Variants in VAV2 observed in about 807,000 individuals in gnomAD.
VAV2 encodes the protein vav guanine nucleotide exchange factor 2.
Under a neutral mutation model 132.5 loss-of-function variants are expected in VAV2, and 67 were observed. That is an observed-to-expected ratio of 0.51 (90% confidence interval 0.42 to 0.62). The LOEUF (loss-of-function observed/expected upper bound fraction) is 0.62. Ranked by LOEUF, VAV2 falls within the 20% of genes least tolerant of loss-of-function variation. VAV2 has a pLI of 0.00. For missense variants in VAV2, 938 were observed against 1,153.6 expected (o/e 0.81, Z 2.71); for synonymous variants, 492 against 443.5 (o/e 1.11, Z -1.37).
chr9:133,833,718 G>A lies in VAV2; in HGVS notation c.449+554C>T, dbSNP rs540221898. On this transcript the variant is annotated intron_variant, in intron 4 of 29. Transcript: ENST00000371850. This position sits in a 1 kb window ranked among gnomAD's most constrained non-coding sequence, Gnocchi z 5.6. Reference sequence around the variant, plus strand: ...GGTGCTGTGGCCAGGCTTGGGCAGCGCCTGGGTGGAGCAGAGGCCTCTCAG... The same window carrying A: ...GGTGCTGTGGCCAGGCTTGGGCAGCACCTGGGTGGAGCAGAGGCCTCTCAG... 6.6e-5 allele frequency among the ~76,000 whole-genome samples: 10 copies of A among 152,260 alleles called. No individual in the cohort carries two copies. The South Asian group carries it at 8.3e-4, about 13-fold the overall frequency.
In VAV2 at chr9:133,921,933, G is replaced by A. The variant is rs117182888; in HGVS notation, c.321+17170C>T. 2.5e-4 allele frequency among the ~76,000 whole-genome samples: 38 copies of A among 152,366 alleles called. 2 individuals carry two copies. The East Asian group carries it at 6.5e-3, about 26-fold the overall frequency. The stretch of plus-strand genomic sequence containing the variant: ...TGGAAGCGAGGGTGGTTCTAATCCC[G>A]TTGATGGGCAGTAGTCAGCCTGCTT... On this transcript the variant is annotated intron_variant, in intron 2 of 29. Transcript: ENST00000371850.
chr9:133,873,066 T>G (rs1024722402), intron 2 of VAV2, among the ~76,000 whole-genome samples: 11 of 123,516 alleles, frequency 8.9e-5, no homozygotes, highest in African/African-American at 2.5e-4. Flanking sequence ...TGAGCCAAGC[T>G]TGAGCCACTG....
chr9:133,950,483 G>A (rs1037513027), intron 1 of VAV2, among the ~76,000 whole-genome samples: 13 of 152,184 alleles, frequency 8.5e-5, no homozygotes, highest in African/African-American at 2.9e-4. Context: ...ACCCACCTCT[G>A]CTGCCGACGG....
intron 2 of VAV2, among the ~76,000 whole-genome samples, chr9:133,868,013 T>C (rs1273704163): frequency 6.6e-6 from 1 of 152,214 alleles, no homozygotes; most frequent in Non-Finnish European, 1.5e-5. Flanking sequence ...AGGCCCCAAG[T>C]GCACCTCGGA....
At chr9:133,914,764 G>GAGGGGAA (rs1840007036) in intron 2 of VAV2, among the ~76,000 whole-genome samples, 1 of 104,910 alleles carries the variant, frequency 9.5e-6, no homozygotes, top group Non-Finnish European at 1.9e-5. Flanking sequence ...GAGGAGAGGA[G>GAGGGGAA]GGGAGGAGGG....
Position 133,919,919 on chromosome 9 carries a change from A to G in VAV2, c.321+19184T>C, listed in dbSNP as rs1456261888. ...TGCTGGACATACAGCGGCGGACCCAAGGCTGCTTTCCACGTTGCCCAGTCC... is the reference window on the plus strand; with the variant it reads ...TGCTGGACATACAGCGGCGGACCCAGGGCTGCTTTCCACGTTGCCCAGTCC... On this transcript the variant is annotated intron_variant, in intron 2 of 29. Transcript: ENST00000371850. This position sits in a 1 kb window ranked among gnomAD's most constrained non-coding sequence, Gnocchi z 5.8. Among the ~76,000 whole-genome samples the G allele has an allele frequency of 6.6e-6, 1 of 152,148 alleles. No homozygotes were observed. Among genetic ancestry groups the G allele is most frequent in the African/African-American group, 2.4e-5 (1 of 41,430 alleles).
chr9:133,877,165 C>A (rs1434512305), intron 2 of VAV2, among the ~76,000 whole-genome samples: 3 of 152,190 alleles, frequency 2.0e-5, no homozygotes, highest in African/African-American at 7.2e-5. Context: ...CCTTCTGCCA[C>A]CTTCCTCTGG....
intron 16 of VAV2, chr9:133,786,101 CTG>C (rs1834211336): frequency 1.7e-6 from 1 of 597,326 alleles, no homozygotes. Flanking sequence ...GCATGTATAG[CTG>C]TGTGCCCATA....
intron 1 of VAV2, among the ~76,000 whole-genome samples, chr9:133,947,282 C>G (rs688091): frequency 0.41 from 62,667 of 152,048 alleles, 13,033 homozygotes; most frequent in Non-Finnish European, 0.42. Context: ...CTACACACCA[C>G]CCCACCAGGG....
At chr9:133,901,539 T>G (rs1476481730) in intron 2 of VAV2, among the ~76,000 whole-genome samples, 2 of 152,118 alleles carry the variant, frequency 1.3e-5, no homozygotes, top group African/African-American at 4.8e-5. Context: ...CTTCCGTGGG[T>G]GCCACATAAA....
At chr9:133,931,443 G>A (rs1176287937) in intron 2 of VAV2, among the ~76,000 whole-genome samples, 1 of 152,014 alleles carries the variant, frequency 6.6e-6, no homozygotes, top group Non-Finnish European at 1.5e-5. Context: ...GTGCTGCTCA[G>A]GAGAAACACG....
chr9:133,783,573 T>A lies in VAV2; in HGVS notation c.1653A>T (p.Gly551=). 1 of 1,613,940 alleles carries A rather than the reference T, an allele frequency of 6.2e-7. No individual in the cohort carries two copies. The highest frequency in any genetic ancestry group is 8.5e-7 in the Non-Finnish European group (1 of 1,179,930). Residue 551 remains glycine, a synonymous_variant, in exon 19 of 30, where the codon GGA becomes GGT. Transcript: ENST00000371850. ...CGACGCCACACTTGGTACACATGTA[T>A]CCCTGGTAGAAGGTGCCCCTGCACA... ...KMFLRGTFYQ[G]YMCTKCGVGA...
At chr9:133,962,507 C>G (rs1841998031) in intron 1 of VAV2, among the ~76,000 whole-genome samples, 1 of 152,036 alleles carries the variant, frequency 6.6e-6, no homozygotes, top group South Asian at 2.1e-4. Flanking sequence ...CTGCTCATCC[C>G]CCAGCCCAGG....
At position 133,840,034 on chromosome 9, in the gene VAV2, C is replaced by G. The variant is rs983096933; in HGVS notation, c.381-5694G>C. 2.0e-5 allele frequency among the ~76,000 whole-genome samples: 3 copies of G among 152,150 alleles called. No homozygotes were observed. On this transcript the variant is annotated intron_variant, in intron 3 of 29. Transcript: ENST00000371850. The surrounding 1 kb of genome is among the most constrained non-coding windows in gnomAD (Gnocchi z 4.5). ...TCAGGCACCAGCTGATTTTCCTTCCCGCACTTACCCCTAGCGTCCCCTACC... is the reference window on the plus strand; with the variant it reads ...TCAGGCACCAGCTGATTTTCCTTCCGGCACTTACCCCTAGCGTCCCCTACC...
rs566263751 is a variant in VAV2, at chr9:133,937,518, G to A, written c.321+1585C>T. 8.2e-5 allele frequency among the ~76,000 whole-genome samples: 11 copies of A among 133,694 alleles called. No homozygotes were observed. The East Asian group carries it at 8.6e-4, about 10-fold the overall frequency. The allele number at this position is 133,694 out of a possible 152,430, so 87.7% of individuals were successfully genotyped here. ...AGTGTGTGCGTGTGAGTGTGTGTGC[G>A]CGTGTGAGAGTGTGTGTGAGAGTGT... On this transcript the variant is annotated intron_variant, in intron 2 of 29. Transcript: ENST00000371850.
intron 4 of VAV2, among the ~76,000 whole-genome samples, chr9:133,820,774 G>C (rs983443626): frequency 3.3e-5 from 5 of 152,188 alleles, no homozygotes; most frequent in African/African-American, 1.2e-4. Flanking sequence ...TCAGGGGCTG[G>C]GCTGGAGGAG....
At chr9:133,861,939 G>A (rs1245377187) in intron 2 of VAV2, among the ~76,000 whole-genome samples, 1 of 152,220 alleles carries the variant, frequency 6.6e-6, no homozygotes, top group Non-Finnish European at 1.5e-5. Flanking sequence ...AATATCCCAG[G>A]GTGCTGCTTG....
At chr9:133,911,999 G>T (rs1045283819) in intron 2 of VAV2, among the ~76,000 whole-genome samples, 1 of 152,210 alleles carries the variant, frequency 6.6e-6, no homozygotes, top group African/African-American at 2.4e-5. Flanking sequence ...AGGTAAACGT[G>T]TGCCATGCTG....
intron 4 of VAV2, among the ~76,000 whole-genome samples, chr9:133,813,957 C>G (rs891904137): frequency 6.6e-6 from 1 of 152,210 alleles, no homozygotes; most frequent in Admixed American, 6.5e-5. Context: ...TGAGGTTAAA[C>G]AGCCAGCAAG....
Sources: allele counts gnomAD v4.1 joint callset (sites outside exome capture counted in the v4.1 genomes callset), GRCh38; gene constraint gnomAD v4.1.1; non-coding constraint Gnocchi (gnomAD v3.1); transcripts MANE v1.5; gene names NCBI Gene and HGNC (gene_info 2026-07-23, HGNC 2026-07-21).